The following ZNF674 variants were observed in gnomAD, a reference collection of about 807,000 sequenced individuals.
ZNF674 encodes the protein zinc finger protein 674.
A neutral mutation model predicts 7.0 loss-of-function variants in ZNF674; 2 were observed. The observed-to-expected ratio is 0.29, with a 90% confidence interval of 0.12 to 0.90. The LOEUF (loss-of-function observed/expected upper bound fraction) is 0.90. Among genes scored for constraint, ZNF674 ranks in the 40% least tolerant of loss-of-function variants. The pLI is 0.57. For synonymous variants in ZNF674, 103 were observed against 145.2 expected (o/e 0.71, Z 2.09); for missense variants, 297 against 415.5 (o/e 0.71, Z 2.48).
At chrX:46,504,075 T>TATACACAC (rs2146589384) in intron 5 of ZNF674, among the ~76,000 whole-genome samples, 1 of 110,901 alleles carries the variant, frequency 9.0e-6, no homozygotes, top group Admixed American at 9.6e-5. Flanking sequence ...CATGCACACA[T>TATACACAC]ATACACACAT....
intron 5 of ZNF674, among the ~76,000 whole-genome samples, chrX:46,519,108 A>G (rs1214443216): frequency 2.8e-5 from 3 of 106,140 alleles, no homozygotes; most frequent in African/African-American, 6.9e-5. Flanking sequence ...GAGGCTGAGA[A>G]AGGAGAAACG....
At chrX:46,520,200 G>A (rs961418256) in intron 5 of ZNF674, among the ~76,000 whole-genome samples, 8 of 110,558 alleles carry the variant, frequency 7.2e-5, no homozygotes, top group South Asian at 7.6e-4. Context: ...TCAGGAGTTC[G>A]AGACCAGCCT....
Position 46,500,324 on chromosome X carries a change from A to C in ZNF674, c.1250T>G (p.Phe417Cys), listed in dbSNP as rs747988366. ...GACAGAGAGGTGTGACTTTCCACTG[A>C]AAGTCTTCCCACATATACTACATTC... Reference protein sequence around the residue: ...PYECSICGKTFSGKSHLSVHH... With the variant: ...PYECSICGKTCSGKSHLSVHH... The change falls in exon 6 of 6, where the codon TTC (phenylalanine) becomes TGC (cysteine). Residue 417 changes from phenylalanine (F) to cysteine (C), a missense_variant. Coordinates refer to ENST00000683375, the MANE Select transcript of ZNF674 (RefSeq NM_001190417.2). 2 of 1,211,258 alleles carry C rather than the reference A, an allele frequency of 1.7e-6. No individual in the cohort carries two copies. The highest frequency in any genetic ancestry group is 3.0e-5 in the East Asian group (1 of 33,830).
chrX:46,519,273 T>TGATAGATAGATAGATAGATA (rs57724981), intron 5 of ZNF674, among the ~76,000 whole-genome samples: 12 of 75,078 alleles, frequency 1.6e-4, no homozygotes, highest in Non-Finnish European at 2.0e-4. Context: ...TAAAGATAGA[T>TGATAGATAGATAGATAGATA]GATAGATAGA....
At chrX:46,540,581 T>C (rs1942274923) in intron 3 of ZNF674, among the ~76,000 whole-genome samples, 1 of 111,230 alleles carries the variant, frequency 9.0e-6, no homozygotes, top group Non-Finnish European at 1.9e-5. Flanking sequence ...CCTGGAAAAA[T>C]GGAACGCAGA....
chrX:46,518,710 C>A (rs1336822784), intron 5 of ZNF674, among the ~76,000 whole-genome samples: 3 of 87,939 alleles, frequency 3.4e-5, no homozygotes, highest in Admixed American at 1.3e-4. Flanking sequence ...CCCGTCTCTA[C>A]TAAAAATACA....
intron 5 of ZNF674, among the ~76,000 whole-genome samples, chrX:46,527,075 C>T (rs1942021491): frequency 9.0e-6 from 1 of 110,928 alleles, no homozygotes; most frequent in African/African-American, 3.3e-5. Context: ...ACCAGCCTGG[C>T]CAACATGGCA....
At position 46,519,256 on chromosome X, in the gene ZNF674, AG is replaced by A. The variant is rs1569476311; in HGVS notation, c.238+9093del. ...TAGATAGATAGATAGATAGATAGAT[AG>A]ATAGATAAAGATAGATGATAGATAG... On this transcript the variant is annotated intron_variant, in intron 5 of 5. Coordinates refer to ENST00000683375, the MANE Select transcript of ZNF674 (RefSeq NM_001190417.2). Among the ~76,000 whole-genome samples, 465 of 60,771 alleles carry A rather than the reference AG, an allele frequency of 7.7e-3. 9 individuals carry two copies. Among genetic ancestry groups the A allele is most frequent in the African/African-American group, 0.024 (406 of 16,639 alleles). The allele number at this position is 60,771 out of a possible 115,157, so 52.8% of individuals were successfully genotyped here.
rs1941364093 is a variant in ZNF674, at chrX:46,498,908, A to G, written c.*935T>C. ...CGAAACTCCATCTCTAAATAAATAA[A>G]TAATCATACTCTACTCCACAGTGAA... On this transcript the variant is annotated 3_prime_UTR_variant, in exon 6 of 6. Transcript: ENST00000683375. 1 of 110,538 alleles carries G rather than the reference A, an allele frequency of 9.0e-6. No homozygotes were observed. Among genetic ancestry groups the G allele is most frequent in the Non-Finnish European group, 1.9e-5 (1 of 52,928 alleles). The allele number at this position is 110,538 out of a possible 1,213,427, so 9.1% of individuals were successfully genotyped here.
chrX:46,519,591 G>C (rs1941868766), intron 5 of ZNF674, among the ~76,000 whole-genome samples: 1 of 107,837 alleles, frequency 9.3e-6, no homozygotes, highest in Non-Finnish European at 1.9e-5. Flanking sequence ...CTGGGCGACA[G>C]AGCGAGACTC....
chrX:46,518,919 T>C (rs1169970713), intron 5 of ZNF674, among the ~76,000 whole-genome samples: 1 of 104,468 alleles, frequency 9.6e-6, no homozygotes, highest in Non-Finnish European at 2.0e-5. Context: ...AATAAATAAA[T>C]AGGGCAGGAC....
chrX:46,515,108 C>T (rs1007379044), intron 5 of ZNF674, among the ~76,000 whole-genome samples: 5 of 111,283 alleles, frequency 4.5e-5, no homozygotes, highest in African/African-American at 6.5e-5. Flanking sequence ...ATGGTGCATG[C>T]GTATAATCCC....
chrX:46,527,505 A>G (rs1942029828), intron 5 of ZNF674, among the ~76,000 whole-genome samples: 1 of 111,819 alleles, frequency 8.9e-6, no homozygotes, highest in Non-Finnish European at 1.9e-5. Flanking sequence ...TGGAACTCAC[A>G]TACATTGCTA....
chrX:46,537,606 C>T (rs188363278), intron 3 of ZNF674, among the ~76,000 whole-genome samples: 1 of 111,841 alleles, frequency 8.9e-6, no homozygotes, highest in Admixed American at 9.5e-5. Flanking sequence ...CTCCTTTCTA[C>T]CACATTTTTT....
intron 1 of ZNF674, among the ~76,000 whole-genome samples, chrX:46,545,043 T>C (rs1298070642): frequency 9.0e-6 from 1 of 111,682 alleles, no homozygotes; most frequent in African/African-American, 3.3e-5. Flanking sequence ...TTTGGACAGG[T>C]TGCCAAGCCA....
intron 5 of ZNF674, among the ~76,000 whole-genome samples, chrX:46,514,092 A>G (rs746129654): frequency 9.0e-6 from 1 of 110,980 alleles, no homozygotes; most frequent in Non-Finnish European, 1.9e-5. Flanking sequence ...AGAAAAACAA[A>G]GTATAAGAGT....
chrX:46,510,452 A>G (rs1044425261), intron 5 of ZNF674, among the ~76,000 whole-genome samples: 4 of 111,882 alleles, frequency 3.6e-5, no homozygotes, highest in Non-Finnish European at 7.5e-5. Context: ...TATGCAGAAA[A>G]TAAGCATTCA....
rs982843155 is a variant in ZNF674 at position 46,500,656 on chromosome X, G to A, written c.918C>T (p.Asp306=). 31 of 1,209,385 alleles carry A rather than the reference G, an allele frequency of 2.6e-5. No homozygotes were observed. Among genetic ancestry groups the A allele is most frequent in the Non-Finnish European group, 3.0e-5 (27 of 894,849 alleles). Residue 306 remains aspartate (D), a synonymous_variant, in exon 6 of 6, where the codon GAC becomes GAT. Transcript: ENST00000683375. ...THTGEKPFVC[D]KCPKAFKSSY... is the part of the protein sequence containing the mutation. ...AACTCTTAAAGGCTTTTGGACATTT[G>A]TCACATACAAATGGTTTCTCTCCTG...
intron 2 of ZNF674, 90 bp from the exon 3 acceptor site, chrX:46,542,206 G>A: frequency 2.1e-6 from 1 of 473,859 alleles, no homozygotes; most frequent in South Asian, 5.6e-5. Context: ...TTTGCACCCT[G>A]GGAAGAATCA....
Sources: gnomAD v4.1 joint callset for allele counts (sites outside exome capture counted in the v4.1 genomes callset) on GRCh38, gnomAD v4.1.1 for gene constraint, MANE v1.5 for transcripts, NCBI Gene and HGNC (gene_info 2026-07-23, HGNC 2026-07-21) for gene names.